Variants in GRK5 observed in about 807,000 individuals in gnomAD.
The protein encoded by GRK5 is g protein-coupled receptor kinase GRK5.
In GRK5, 40 loss-of-function variants were observed where a neutral mutation model predicts 78.4. The observed-to-expected ratio is 0.51, with a 90% CI of 0.40 to 0.66. The LOEUF (loss-of-function observed/expected upper bound fraction) is 0.66. GRK5 is among the 30% of genes least tolerant of loss of function. GRK5 has a pLI of 0.00. For missense variants in GRK5, 598 were observed against 759.9 expected (o/e 0.79, Z 2.50); for synonymous variants, 289 against 296.8 (o/e 0.97, Z 0.27).
chr10:119,315,162 C>T (rs188979186), intron 1 of GRK5, among the ~76,000 whole-genome samples: 1 of 152,302 alleles, frequency 6.6e-6, no homozygotes, highest in Admixed American at 6.5e-5. Flanking sequence ...CCTACCCCCG[C>T]CCCATACCAG....
At position 119,459,440 on chromosome 10, in the gene GRK5, A is replaced by C. The variant is rs1853449166; in HGVS notation, c.*4373A>C. 1 of 152,248 alleles carries C rather than the reference A, an allele frequency of 6.6e-6. No individual in the cohort carries two copies. Among genetic ancestry groups the C allele is most frequent in the South Asian group, 2.1e-4 (1 of 4,836 alleles). 9.4% of individuals were successfully genotyped at this position (152,248 alleles called of 1,614,324 possible). A position where few individuals can be genotyped will look rare whatever the true frequency, so the allele number is the denominator to read the frequency against. ...GAATTTAGATGTCTTTCCCTAGTCC[A>C]TCAAGAAGTCATTTTTGTAACAGTC... is the stretch of plus-strand genomic sequence containing the variant. On this transcript the variant is annotated 3_prime_UTR_variant, in exon 16 of 16. Coordinates refer to ENST00000392870, the MANE Select transcript of GRK5 (RefSeq NM_005308.3).
intron 1 of GRK5, among the ~76,000 whole-genome samples, chr10:119,288,713 G>A (rs527901116): frequency 3.4e-4 from 52 of 152,284 alleles, no homozygotes; most frequent in African/African-American, 1.2e-3. Flanking sequence ...TGGGGAGTGG[G>A]GGTGGTTGAT....
At chr10:119,371,044 A>G (rs1466310324) in intron 2 of GRK5, among the ~76,000 whole-genome samples, 2 of 144,020 alleles carry the variant, frequency 1.4e-5, no homozygotes, top group Non-Finnish European at 3.0e-5. Context: ...CAGTGTTAGC[A>G]TTTCCATTTC....
intron 1 of GRK5, among the ~76,000 whole-genome samples, chr10:119,279,386 G>A (rs904913667): frequency 2.6e-5 from 4 of 152,236 alleles, no homozygotes; most frequent in Admixed American, 2.6e-4. Context: ...AGCCCTGAGT[G>A]CAGTGCTTAT....
At chr10:119,317,848 T>G (rs1171614751) in intron 1 of GRK5, among the ~76,000 whole-genome samples, 1 of 152,074 alleles carries the variant, frequency 6.6e-6, no homozygotes, top group Non-Finnish European at 1.5e-5. Flanking sequence ...GGTCCCGTCA[T>G]TCCTTTTCTC....
chr10:119,231,764 A>G (rs1175235667), intron 1 of GRK5, among the ~76,000 whole-genome samples: 1 of 152,130 alleles, frequency 6.6e-6, no homozygotes, highest in East Asian at 1.9e-4. Context: ...GGAAGTGCAA[A>G]TCAAAACCAC....
chr10:119,342,882 G>C (rs187961826), intron 2 of GRK5, among the ~76,000 whole-genome samples: 6 of 152,250 alleles, frequency 3.9e-5, no homozygotes, highest in Admixed American at 3.9e-4. Context: ...CAGACTTAGA[G>C]GTCCTGAAAG....
chr10:119,372,158 A>G (rs1172311952), intron 2 of GRK5, among the ~76,000 whole-genome samples: 1 of 152,148 alleles, frequency 6.6e-6, no homozygotes, highest in African/African-American at 2.4e-5. Context: ...GAGCTAGGGG[A>G]TGGAGGTAGG....
intron 3 of GRK5, among the ~76,000 whole-genome samples, chr10:119,390,308 A>C (rs1309870109): frequency 6.6e-6 from 1 of 152,224 alleles, no homozygotes; most frequent in African/African-American, 2.4e-5. Flanking sequence ...GGGATGCCTC[A>C]CAGTCATGAT....
chr10:119,277,944 G>A (rs1261092353), intron 1 of GRK5, among the ~76,000 whole-genome samples: 1 of 152,178 alleles, frequency 6.6e-6, no homozygotes, highest in Non-Finnish European at 1.5e-5. Context: ...TTCTTATTGA[G>A]TAGTGACCCA....
At chr10:119,226,910 G>A (rs1848749926) in intron 1 of GRK5, among the ~76,000 whole-genome samples, 1 of 152,086 alleles carries the variant, frequency 6.6e-6, no homozygotes, top group Non-Finnish European at 1.5e-5. Context: ...CCAGGCTGGA[G>A]TGCAGTGGCG....
At position 119,357,460 on chromosome 10, in the gene GRK5, G is replaced by T. The variant is rs997707546; in HGVS notation, c.149-23355G>T. Among the ~76,000 whole-genome samples the T allele has an allele frequency of 3.9e-4, 59 of 152,204 alleles. 2 individuals carry two copies. The highest frequency in any genetic ancestry group is 3.1e-3 in the Admixed American group (48 of 15,282). On this transcript the variant is annotated intron_variant, in intron 2 of 15. Transcript: ENST00000392870. ...AGGCTGTGGCTGATAATGAGACGCG[G>T]GTAACCCTGGTGGATATCGTTCCAT...
At chr10:119,296,098 C>T (rs555291930) in intron 1 of GRK5, among the ~76,000 whole-genome samples, 1 of 152,358 alleles carries the variant, frequency 6.6e-6, no homozygotes, top group Non-Finnish European at 1.5e-5. Context: ...AGCTTGGCAG[C>T]TCAGCAGTGC....
rs1210311526 is a variant in GRK5 at position 119,458,205 on chromosome 10, G to A, written c.*3138G>A. On this transcript the variant is annotated 3_prime_UTR_variant, in exon 16 of 16. Coordinates refer to ENST00000392870, the MANE Select transcript of GRK5 (RefSeq NM_005308.3). ...ACTTCGTGACTTTGAGGTGAGACAT[G>A]GGATCTCTCAGAAGCGTCTCTGCAT... 1.3e-5 allele frequency: 2 copies of A among 152,156 alleles called. No individual in the cohort carries two copies. Among genetic ancestry groups the A allele is most frequent in the South Asian group, 2.1e-4 (1 of 4,824 alleles). 9.4% of individuals were successfully genotyped at this position (152,156 alleles called of 1,614,324 possible). A position where few individuals can be genotyped will look rare whatever the true frequency, so the allele number is the denominator to read the frequency against.
chr10:119,294,275 A>C (rs916519488), intron 1 of GRK5, among the ~76,000 whole-genome samples: 4 of 152,136 alleles, frequency 2.6e-5, no homozygotes, highest in African/African-American at 7.2e-5. Context: ...ACCACTTTTA[A>C]TGGGTCCACA....
At position 119,442,632 on chromosome 10, in the gene GRK5, G is replaced by A. The variant is rs61008678; in HGVS notation, c.1057+544G>A. Among the ~76,000 whole-genome samples, 6 of 152,266 alleles carry A rather than the reference G, an allele frequency of 3.9e-5. No individual in the cohort carries two copies. The East Asian group carries it at 5.8e-4, about 15-fold the overall frequency. On this transcript the variant is annotated intron_variant, in intron 11 of 15. Transcript: ENST00000392870. ...GAATCCCCCGTCCAATTGGGGGCAC[G>A]CCCTGGGCTTCCTCCTGTGCATTTC...
chr10:119,342,935 G>A (rs1851008150), intron 2 of GRK5, among the ~76,000 whole-genome samples: 1 of 152,190 alleles, frequency 6.6e-6, no homozygotes, highest in Non-Finnish European at 1.5e-5. Flanking sequence ...TCTGCCTCCA[G>A]GCAGGAGGGT....
At chr10:119,291,010 A>G (rs1589724849) in intron 1 of GRK5, among the ~76,000 whole-genome samples, 1 of 152,234 alleles carries the variant, frequency 6.6e-6, no homozygotes, top group East Asian at 1.9e-4. Flanking sequence ...AGGGTCAGAC[A>G]GATTGTTCTG....
At chr10:119,437,007 T>G (rs1852934421) in intron 9 of GRK5, among the ~76,000 whole-genome samples, 166 bp downstream of exon 9, 1 of 152,176 alleles carries the variant, frequency 6.6e-6, no homozygotes, top group Non-Finnish European at 1.5e-5. Flanking sequence ...AGCTGGGGCC[T>G]CCGGCACTGA....
Sources: allele counts gnomAD v4.1 joint callset (sites outside exome capture counted in the v4.1 genomes callset), GRCh38; gene constraint gnomAD v4.1.1; transcripts MANE v1.5; gene names NCBI Gene and HGNC (gene_info 2026-07-23, HGNC 2026-07-21).